The following NAV3 variants were observed in gnomAD, a reference collection of about 807,000 sequenced individuals.
The protein encoded by NAV3 is neuron navigator 3.
NAV3 carries 87 observed loss-of-function variants against 244.7 expected under a neutral mutation model. The ratio of observed to expected loss-of-function variants is 0.36; its 90% CI spans 0.30 to 0.42. The LOEUF (loss-of-function observed/expected upper bound fraction) is 0.42, where lower values mean the gene tolerates loss of function less well. Ranked by LOEUF, NAV3 falls within the 20% of genes least tolerant of loss-of-function variation. The pLI, the probability that NAV3 is intolerant of heterozygous loss-of-function variation, is 1.00. For synonymous variants in NAV3, 1,126 were observed against 1,042.2 expected (o/e 1.08, Z -1.55); for missense variants, 2,663 against 2,893.3 (o/e 0.92, Z 1.83).
Position 78,177,728 on chromosome 12 carries a change from T to C in NAV3, c.5363+43T>C, listed in dbSNP as rs979074190. 3.8e-6 allele frequency: 6 copies of C among 1,559,438 alleles called. No individual in the cohort carries two copies. The African/African-American group carries it at 6.8e-5, about 18-fold the overall frequency. ...GCATGAATACTGCAAAGATCCAGGTTCTAACCTAAGTAGTGTTTGCTTTTG... is the reference window on the plus strand; with the variant it reads ...GCATGAATACTGCAAAGATCCAGGTCCTAACCTAAGTAGTGTTTGCTTTTG... On this transcript the variant is annotated intron_variant, in intron 28 of 39. Transcript: ENST00000397909.
chr12:77,896,553 T>G (rs1884652976), intron 1 of NAV3, among the ~76,000 whole-genome samples: 1 of 152,348 alleles, frequency 6.6e-6, no homozygotes. Flanking sequence ...TATTTGTTCC[T>G]TCTTAATTTT....
intron 2 of NAV3, among the ~76,000 whole-genome samples, chr12:77,606,486 CT>C (rs1870675721): frequency 1.3e-5 from 2 of 152,020 alleles, no homozygotes; most frequent in Admixed American, 6.6e-5. Flanking sequence ...AGTCTGTTAG[CT>C]TTTTTAACTT....
chr12:77,928,217 C>T (rs987257328), intron 1 of NAV3, among the ~76,000 whole-genome samples: 2 of 106,940 alleles, frequency 1.9e-5, no homozygotes, highest in Admixed American at 9.7e-5. Context: ...GGCTAGGCTC[C>T]GCCTCAAAAA....
Position 78,005,066 on chromosome 12 carries a change from T to C in NAV3, c.881-1353T>C, listed in dbSNP as rs117415065. Among the ~76,000 whole-genome samples, 570 of 152,244 alleles carry C rather than the reference T, an allele frequency of 3.7e-3. 3 individuals are homozygous for C. The highest frequency in any genetic ancestry group is 6.0e-3 in the Non-Finnish European group (408 of 67,992). On this transcript the variant is annotated intron_variant, in intron 7 of 39. Coordinates refer to ENST00000397909, the MANE Select transcript of NAV3 (RefSeq NM_001024383.2). ...TTATGTCCCTTGTTCATCAGCCAGTTAAAAAAGCATCCTGACTGGTTCTTT... is the reference window on the plus strand; with the variant it reads ...TTATGTCCCTTGTTCATCAGCCAGTCAAAAAAGCATCCTGACTGGTTCTTT...
chr12:78,052,425 A>C (rs76986581), intron 11 of NAV3, among the ~76,000 whole-genome samples: 1 of 152,296 alleles, frequency 6.6e-6, no homozygotes, highest in East Asian at 1.9e-4. Context: ...CCCATTCACT[A>C]TCTGTGGACC....
intron 7 of NAV3, among the ~76,000 whole-genome samples, chr12:78,000,661 G>A (rs1327425440): frequency 8.0e-6 from 1 of 124,734 alleles, no homozygotes; most frequent in Non-Finnish European, 1.7e-5. Context: ...CCGCCACCAC[G>A]CCCGGCTAAT....
chr12:77,698,283 T>C (rs547610671), intron 2 of NAV3, among the ~76,000 whole-genome samples: 1 of 152,286 alleles, frequency 6.6e-6, no homozygotes, highest in Admixed American at 6.5e-5. Context: ...GGAGGCCCAG[T>C]TGAGTATATC....
At chr12:77,908,586 T>A (rs117794899) in intron 1 of NAV3, among the ~76,000 whole-genome samples, 4,574 of 152,184 alleles carry the variant, frequency 0.03, 97 homozygotes, top group Non-Finnish European at 0.046. Context: ...TTGATTTTGT[T>A]TTATAGTAGT....
intron 2 of NAV3, among the ~76,000 whole-genome samples, chr12:77,775,579 G>A (rs1565808996): frequency 1.3e-5 from 2 of 152,078 alleles, no homozygotes; most frequent in Admixed American, 6.5e-5. Flanking sequence ...TCTTATAATA[G>A]CCTGTTACTT....
chr12:78,145,838 A>T (rs1323802481), intron 20 of NAV3, among the ~76,000 whole-genome samples: 1 of 152,190 alleles, frequency 6.6e-6, no homozygotes, highest in African/African-American at 2.4e-5. Flanking sequence ...AGAAGTAAAT[A>T]ATGTTAATTA....
chr12:78,092,497 T>TC (rs1417015157), intron 12 of NAV3, among the ~76,000 whole-genome samples: 1 of 132,798 alleles, frequency 7.5e-6, no homozygotes, highest in Non-Finnish European at 1.6e-5. Context: ...TTTTCTTTTT[T>TC]TTTTTTTTTT....
chr12:78,107,583 G>A (rs1306696466), intron 12 of NAV3, among the ~76,000 whole-genome samples: 1 of 151,666 alleles, frequency 6.6e-6, no homozygotes, highest in Non-Finnish European at 1.5e-5. Flanking sequence ...AGAAAGAATA[G>A]GACAATATAT....
chr12:78,104,500 A>C (rs1438875939), intron 12 of NAV3, among the ~76,000 whole-genome samples: 2 of 152,194 alleles, frequency 1.3e-5, no homozygotes, highest in East Asian at 1.9e-4. Flanking sequence ...CTGTGAATCC[A>C]GGAGTGAATC....
chr12:77,969,462 A>G (rs977775021), intron 5 of NAV3, among the ~76,000 whole-genome samples: 1 of 152,134 alleles, frequency 6.6e-6, no homozygotes, highest in Non-Finnish European at 1.5e-5. Flanking sequence ...GCCCAGCTGG[A>G]AGGGCAGGCT....
Position 77,745,087 on chromosome 12 carries a change from C to T in NAV3, c.72+172821C>T, listed in dbSNP as rs183416600. ...TAAGTGTGATAAGGAACACTAATGT[C>T]GCCTCATGTTATCTTAAAAATTAAT... On this transcript the variant is annotated intron_variant, in intron 2 of 8. Transcript: ENST00000550042. Among the ~76,000 whole-genome samples, 243 of 151,868 alleles carry T rather than the reference C, an allele frequency of 1.6e-3. 1 individual carries two copies. The highest frequency in any genetic ancestry group is 0.015 in the South Asian group (72 of 4,814).
At chr12:77,684,284 T>C (rs370938136) in intron 2 of NAV3, among the ~76,000 whole-genome samples, 2 of 126,450 alleles carry the variant, frequency 1.6e-5, no homozygotes, top group African/African-American at 5.6e-5. Context: ...TATTATTATT[T>C]ATTGTTGTTA....
intron 12 of NAV3, among the ~76,000 whole-genome samples, chr12:78,059,773 T>C (rs1884059838): frequency 6.6e-6 from 1 of 152,144 alleles, no homozygotes; most frequent in Admixed American, 6.6e-5. Context: ...AAAGAAACTC[T>C]GGTTAATAAG....
At chr12:78,079,020 C>T in intron 12 of NAV3, among the ~76,000 whole-genome samples, 1 of 152,176 alleles carries the variant, frequency 6.6e-6, no homozygotes, top group Non-Finnish European at 1.5e-5. Flanking sequence ...AAGGCTTATA[C>T]ACAAATAACA....
intron 12 of NAV3, among the ~76,000 whole-genome samples, chr12:78,099,688 G>A (rs531637170): frequency 2.4e-4 from 37 of 151,892 alleles, no homozygotes; most frequent in Middle Eastern, 3.4e-3. Context: ...TTTAAAATGA[G>A]CATTGAATTA....
Sources: gnomAD v4.1 joint callset for allele counts (sites outside exome capture counted in the v4.1 genomes callset) on GRCh38, gnomAD v4.1.1 for gene constraint, MANE v1.5 for transcripts, NCBI Gene and HGNC (gene_info 2026-07-23, HGNC 2026-07-21) for gene names.